The following NCOR2 variants were observed in gnomAD, a reference collection of about 807,000 sequenced individuals.
The protein encoded by NCOR2 is CTG repeat protein 26.
In NCOR2, 81 loss-of-function variants were observed where a neutral mutation model predicts 262.9. That is an observed-to-expected ratio of 0.31 (90% CI 0.26 to 0.37). NCOR2 has a LOEUF of 0.37. Ranked by LOEUF, NCOR2 falls within the 10% of genes least tolerant of loss-of-function variation. The probability of loss-of-function intolerance (pLI) is 1.00; values close to 1 mark genes in which losing one functional copy is unlikely to be tolerated. For missense variants in NCOR2, 3,385 were observed against 3,621.4 expected, an observed-to-expected ratio of 0.93 and a Z score of 1.68; for synonymous variants, 1,659 against 1,559.3, an observed-to-expected ratio of 1.06 and a Z score of -1.51.
At chr12:124,409,565 A>G (rs1018052644) in intron 13 of NCOR2, among the ~76,000 whole-genome samples, 3 of 151,830 alleles carry the variant, frequency 2.0e-5, no homozygotes, top group Non-Finnish European at 2.9e-5. Flanking sequence ...TGATTGACTT[A>G]CGCATGGTCC....
intron 22 of NCOR2, among the ~76,000 whole-genome samples, chr12:124,358,446 G>A (rs561270608): frequency 2.0e-5 from 3 of 152,300 alleles, no homozygotes; most frequent in East Asian, 1.9e-4. Flanking sequence ...GTGTTGTGGC[G>A]GGCAGTGGGG....
intron 31 of NCOR2, among the ~76,000 whole-genome samples, chr12:124,345,911 A>G (rs2036885415): frequency 6.6e-6 from 1 of 152,118 alleles, no homozygotes; most frequent in Non-Finnish European, 1.5e-5. Context: ...GTGGAAGGAC[A>G]GTGGCCTTCA....
intron 1 of NCOR2, among the ~76,000 whole-genome samples, chr12:124,502,754 C>A (rs2048815555): frequency 6.6e-6 from 1 of 152,192 alleles, no homozygotes; most frequent in African/African-American, 2.4e-5. Flanking sequence ...TGTGGCAAGT[C>A]TGCCTCTGGC....
rs1227976200 is a variant in NCOR2 at position 124,528,035 on chromosome 12, C to T, written c.-118+7530G>A. ...GAGGGATTTGCTGAATCAGGATGGC[C>T]CGAGGCCTCCTGAGGTTTCACTGCG... On this transcript the variant is annotated intron_variant, in intron 1 of 46. Coordinates refer to the NCOR2 transcript ENST00000404621. Among the ~76,000 whole-genome samples, 3 of 152,184 alleles carry T rather than the reference C, an allele frequency of 2.0e-5. No homozygotes were observed. In the East Asian group the frequency reaches 5.8e-4, roughly 29 times the overall value.
chr12:124,417,380 C>T (rs1176739112), intron 13 of NCOR2, among the ~76,000 whole-genome samples: 1 of 152,194 alleles, frequency 6.6e-6, no homozygotes, highest in Non-Finnish European at 1.5e-5. Flanking sequence ...CGACACCCCC[C>T]ACCCTTCTTA....
Position 124,359,508 on chromosome 12 carries a change from G to A in NCOR2, c.3100+2618C>T, listed in dbSNP as rs374946016. ...GGTGGGCAGCCCACAGGAGGCAGGG[G>A]GCACAGATGCAGGGGAATTCTCATT... On this transcript the variant is annotated intron_variant, in intron 22 of 46. Transcript: ENST00000405201. Among the ~76,000 whole-genome samples the A allele has an allele frequency of 2.0e-5, 3 of 152,352 alleles. No individual in the cohort carries two copies. In the South Asian group the frequency reaches 6.2e-4, roughly 32 times the overall value.
chr12:124,340,038 G>T, exon 37 of NCOR2: 2 of 1,612,680 alleles, frequency 1.2e-6, no homozygotes, highest in Middle Eastern at 1.7e-4. Flanking sequence ...GCTCCACAGC[G>T]GTGATGATAC....
chr12:124,470,426 T>A (rs1043731622), intron 4 of NCOR2, among the ~76,000 whole-genome samples: 9 of 152,156 alleles, frequency 5.9e-5, no homozygotes, highest in African/African-American at 2.2e-4. Flanking sequence ...GCAGCACTAT[T>A]CACAACAGCC....
intron 1 of NCOR2, chr12:124,542,536 A>T (rs1353995247): frequency 6.6e-6 from 1 of 152,622 alleles, no homozygotes; most frequent in African/African-American, 2.4e-5. Context: ...AGGCCCTAGG[A>T]ACCTGCCAGG....
intron 1 of NCOR2, among the ~76,000 whole-genome samples, chr12:124,487,432 A>G (rs1461551721): frequency 6.6e-6 from 1 of 152,258 alleles, no homozygotes; most frequent in Non-Finnish European, 1.5e-5. Context: ...TCCATTTGAC[A>G]AAGACTCTCC....
intron 1 of NCOR2, among the ~76,000 whole-genome samples, chr12:124,527,496 C>A (rs903554135): frequency 6.6e-6 from 1 of 152,046 alleles, no homozygotes; most frequent in Non-Finnish European, 1.5e-5. Flanking sequence ...CAGCTCACTG[C>A]AGTCTCTGCC....
rs560800739 is a variant in NCOR2 at position 124,371,003 on chromosome 12, G to A, written c.2807+1019C>T. 3.2e-3 allele frequency among the ~76,000 whole-genome samples: 492 copies of A among 152,194 alleles called. 6 individuals carry two copies. Among genetic ancestry groups the A allele is most frequent in the Non-Finnish European group, 3.8e-3 (257 of 68,014 alleles). ...TTTTCCCCAACCCCACGGCCACCAC[G>A]CTCGCATCTCCATCACCAGCCCCAG... is the stretch of plus-strand genomic sequence containing the variant. On this transcript the variant is annotated intron_variant, in intron 20 of 46. Coordinates refer to ENST00000405201, the Ensembl canonical transcript of NCOR2.
chr12:124,507,017 C>A (rs555087485), intron 1 of NCOR2, among the ~76,000 whole-genome samples: 2 of 152,138 alleles, frequency 1.3e-5, no homozygotes, highest in Non-Finnish European at 2.9e-5. Flanking sequence ...CGTTTTGCTT[C>A]ATGGCTAAGA....
chr12:124,412,978 G>T (rs893242289), intron 13 of NCOR2, among the ~76,000 whole-genome samples: 1 of 152,250 alleles, frequency 6.6e-6, no homozygotes, highest in Non-Finnish European at 1.5e-5. Flanking sequence ...TCCCAGCGTG[G>T]TCAGTGGTGT....
Position 124,388,801 on chromosome 12 carries a change from C to T in NCOR2, c.1877-2914G>A, listed in dbSNP as rs924917045. ...GGCTGGGCGGCCGCGGTCGGCTCTG[C>T]GAGGCTGCTGGTTGGCGTCTGCTGG... On this transcript the variant is annotated intron_variant, in intron 16 of 46. Coordinates refer to ENST00000405201, the Ensembl canonical transcript of NCOR2. 1.1e-5 allele frequency: 14 copies of T among 1,298,100 alleles called. No individual in the cohort carries two copies. In the East Asian group the frequency reaches 4.5e-4, roughly 42 times the overall value. The allele number at this position is 1,298,100 out of a possible 1,614,324, so 80.4% of individuals were successfully genotyped here. A position where few individuals can be genotyped will look rare whatever the true frequency, so the allele number is the denominator to read the frequency against.
chr12:124,326,100 A>C, intron 46 of NCOR2, 91 bp downstream of exon 48: 1 of 1,321,344 alleles, frequency 7.6e-7, no homozygotes, highest in African/African-American at 1.5e-5. Context: ...CTCTGCATGC[A>C]GCAGGCGCTC....
intron 10 of NCOR2, chr12:124,429,310 A>G: frequency 2.4e-6 from 1 of 411,358 alleles, no homozygotes; most frequent in Non-Finnish European, 4.5e-6. Flanking sequence ...GGGAAGAGTG[A>G]GAGGCAGGGT....
upstream of NCOR2, among the ~76,000 whole-genome samples, chr12:124,495,531 G>A (rs1221612764): frequency 2.0e-5 from 3 of 152,096 alleles, no homozygotes; most frequent in Non-Finnish European, 1.5e-5. The surrounding 1 kb of genome is among the most constrained non-coding windows in gnomAD (Gnocchi z 4.4). Context: ...TGTTCTCCGG[G>A]AGCACAAGGA....
Position 124,342,370 on chromosome 12 carries a change from T to A in NCOR2, c.4937-296A>T, listed in dbSNP as rs79261956. 3.8e-3 allele frequency among the ~76,000 whole-genome samples: 582 copies of A among 152,322 alleles called. 3 individuals are homozygous for A. The highest frequency in any genetic ancestry group is 0.013 in the African/African-American group (535 of 41,558). On this transcript the variant is annotated intron_variant, in intron 33 of 46. Transcript: ENST00000405201. The stretch of plus-strand genomic sequence containing the variant: ...GCAACTTTTTTTATTTCTTTTTTTT[T>A]AATTTCTTTTATTTTTAGAGAAGGA...
Sources: allele counts gnomAD v4.1 joint callset (sites outside exome capture counted in the v4.1 genomes callset), GRCh38; gene constraint gnomAD v4.1.1; non-coding constraint Gnocchi (gnomAD v3.1); transcripts MANE v1.5; gene names NCBI Gene and HGNC (gene_info 2026-07-23, HGNC 2026-07-21).